The following LINGO2 variants were observed in gnomAD, a reference collection of about 807,000 sequenced individuals.
The protein encoded by LINGO2 is leucine-rich repeat and immunoglobulin-like domain-containing nogo receptor-interacting protein 2.
A neutral mutation model predicts 30.6 loss-of-function variants in LINGO2; 14 were observed. The ratio of observed to expected loss-of-function variants is 0.46; its 90% CI spans 0.30 to 0.72. The LOEUF is 0.72. Among genes scored for constraint, LINGO2 ranks in the 30% least tolerant of loss-of-function variants. The pLI is 0.07. For missense variants in LINGO2, 729 were observed against 751.7 expected, an observed-to-expected ratio of 0.97 and a Z score of 0.35; for synonymous variants, 317 against 288.5, an observed-to-expected ratio of 1.10 and a Z score of -1.00.
At chr9:27,966,486 C>T (rs916685877) in intron 5 of LINGO2, among the ~76,000 whole-genome samples, 6 of 152,082 alleles carry the variant, frequency 3.9e-5, no homozygotes, top group Admixed American at 1.3e-4. Context: ...AACCAAACAC[C>T]GCTTGTTCTC....
At chr9:28,165,793 G>T (rs1227126775) in intron 4 of LINGO2, among the ~76,000 whole-genome samples, 4 of 152,098 alleles carry the variant, frequency 2.6e-5, no homozygotes, top group Non-Finnish European at 5.9e-5. Flanking sequence ...CATATTTAAA[G>T]ATTAGAATAT....
the LINGO2 span, among the ~76,000 whole-genome samples, chr9:29,022,836 G>A: frequency 6.6e-6 from 1 of 152,018 alleles, no homozygotes; most frequent in South Asian, 2.1e-4. Flanking sequence ...TACTCTCTTC[G>A]TACATTCCCT....
At chr9:28,431,760 C>A (rs1400234271) in intron 2 of LINGO2, among the ~76,000 whole-genome samples, 2 of 152,152 alleles carry the variant, frequency 1.3e-5, no homozygotes, top group Non-Finnish European at 2.9e-5. Flanking sequence ...ATATAATAAA[C>A]AGAAGTTCAA....
the LINGO2 span, among the ~76,000 whole-genome samples, chr9:29,115,833 C>T: frequency 6.6e-6 from 1 of 151,978 alleles, no homozygotes; most frequent in African/African-American, 2.4e-5. Context: ...TTTCCCCTGT[C>T]ATATTTTCAC....
intron 4 of LINGO2, among the ~76,000 whole-genome samples, chr9:28,095,285 C>T (rs547666589): frequency 4.6e-5 from 7 of 152,122 alleles, no homozygotes; most frequent in Admixed American, 1.3e-4. Flanking sequence ...GACAGTTCGC[C>T]GTATCCCAAC....
the LINGO2 span, among the ~76,000 whole-genome samples, chr9:28,980,045 G>A: frequency 4.6e-5 from 7 of 152,174 alleles, no homozygotes; most frequent in South Asian, 4.1e-4. Context: ...CTTGATCTTT[G>A]CTCCTCCCAA....
chr9:29,153,454 T>C, the LINGO2 span, among the ~76,000 whole-genome samples: 1 of 152,160 alleles, frequency 6.6e-6, no homozygotes, highest in African/African-American at 2.4e-5. Flanking sequence ...AGGTAACTAC[T>C]GGGTAGACAA....
chr9:28,430,105 CGCGCGTGT>C (rs765439429), intron 2 of LINGO2, among the ~76,000 whole-genome samples: 2 of 30,308 alleles, frequency 6.6e-5, no homozygotes, highest in East Asian at 2.9e-3. Context: ...CACGCGCGCG[CGCGCGTGT>C]GTGTGTGTGT....
intron 2 of LINGO2, among the ~76,000 whole-genome samples, chr9:28,450,296 A>G (rs957345436): frequency 1.3e-5 from 2 of 152,026 alleles, no homozygotes; most frequent in Non-Finnish European, 2.9e-5. Flanking sequence ...CAATCTGCCT[A>G]CTCACAAACT....
At chr9:28,565,367 T>C (rs143201860) in intron 1 of LINGO2, among the ~76,000 whole-genome samples, 1,669 of 151,274 alleles carry the variant, frequency 0.011, 11 homozygotes, top group Middle Eastern at 0.024. Context: ...TTTTGTACTT[T>C]TTAGTAGAGA....
chr9:28,075,740 C>A (rs1356468148), intron 4 of LINGO2, among the ~76,000 whole-genome samples: 2 of 151,586 alleles, frequency 1.3e-5, no homozygotes, highest in Non-Finnish European at 3.0e-5. Context: ...CTGTTTTTTT[C>A]TTTCAGGTTG....
chr9:28,900,895 C>G, the LINGO2 span, among the ~76,000 whole-genome samples: 1 of 151,780 alleles, frequency 6.6e-6, no homozygotes, highest in Admixed American at 6.6e-5. Flanking sequence ...CAGGAAACTA[C>G]CAGGAAACAA....
chr9:28,070,281 C>A (rs368499595), intron 4 of LINGO2, among the ~76,000 whole-genome samples: 189 of 152,060 alleles, frequency 1.2e-3, no homozygotes, highest in African/African-American at 4.2e-3. Context: ...TTTTTTCCTG[C>A]GGTTGGTTGG....
the LINGO2 span, among the ~76,000 whole-genome samples, chr9:28,700,307 T>G: frequency 6.6e-6 from 1 of 152,076 alleles, no homozygotes; most frequent in Non-Finnish European, 1.5e-5. Context: ...CCAAATTTCT[T>G]CCTTAGCTAT....
At chr9:29,178,899 G>A in the LINGO2 span, among the ~76,000 whole-genome samples, 1 of 151,780 alleles carries the variant, frequency 6.6e-6, no homozygotes, top group Non-Finnish European at 1.5e-5. Context: ...GAAGTGAGCA[G>A]GAAGACCACT....
At chr9:29,199,773 C>T in the LINGO2 span, among the ~76,000 whole-genome samples, 1 of 152,112 alleles carries the variant, frequency 6.6e-6, no homozygotes, top group Non-Finnish European at 1.5e-5. Flanking sequence ...GCCTATCTGA[C>T]ATTTTATTCA....
chr9:28,018,904 ATTCACAAGATGAGGAATC>A (rs1356608876), intron 4 of LINGO2, among the ~76,000 whole-genome samples: 4 of 152,158 alleles, frequency 2.6e-5, no homozygotes, highest in Non-Finnish European at 5.9e-5. Context: ...TTGCAGCACT[ATTCACAAGATGAGGAATC>A]ATACACTATG....
chr9:28,438,634 C>G (rs1307937328), intron 2 of LINGO2, among the ~76,000 whole-genome samples: 1 of 151,984 alleles, frequency 6.6e-6, no homozygotes, highest in Non-Finnish European at 1.5e-5. Context: ...TACATATGTC[C>G]TATTTGTTCT....
At chr9:28,646,826 C>G (rs1827864025) in intron 1 of LINGO2, among the ~76,000 whole-genome samples, 1 of 152,006 alleles carries the variant, frequency 6.6e-6, no homozygotes, top group Non-Finnish European at 1.5e-5. Context: ...TTGTTCTTGA[C>G]TGCATATAAT....
Sources: gnomAD v4.1 joint callset for allele counts (sites outside exome capture counted in the v4.1 genomes callset) on GRCh38, gnomAD v4.1.1 for gene constraint, MANE v1.5 for transcripts, NCBI Gene and HGNC (gene_info 2026-07-23, HGNC 2026-07-21) for gene names.